The following KCP variants were observed in gnomAD, a reference collection of about 807,000 sequenced individuals.
KCP encodes the protein kielin cysteine rich BMP regulator.
KCP carries 194 observed loss-of-function variants against 212.7 expected under a neutral mutation model. That is an observed-to-expected ratio of 0.91 (90% CI 0.81 to 1.03). KCP has a LOEUF of 1.03. KCP is among the 50% of genes least tolerant of loss of function. The pLI, the probability that KCP is intolerant of heterozygous loss-of-function variation, is 0.00. For synonymous variants in KCP, 833 were observed against 865.3 expected (o/e 0.96, Z 0.65); for missense variants, 2,080 against 2,162.5 (o/e 0.96, Z 0.76).
At chr7:128,904,358 C>T (rs1795018898) in intron 5 of KCP, 2 of 1,551,668 alleles carry the variant, frequency 1.3e-6, no homozygotes. Context: ...ACACGAGGGC[C>T]CCTGGCACTG....
In KCP at chr7:128,907,457, G is replaced by C. The variant is rs758400383; in HGVS notation, c.220-4C>G. ...CCCTCGTCTGCAGGTCCTTATTCTG[G>C]AGGAAGGAGATGGAATAGCAGGCAC... On this transcript the variant is annotated splice_region_variant and splice_polypyrimidine_tract_variant and intron_variant, in intron 2 of 39. Transcript: ENST00000610776. 1.4e-6 allele frequency: 2 copies of C among 1,471,798 alleles called. No individual in the cohort carries two copies. The highest frequency in any genetic ancestry group is 5.1e-5 in the East Asian group (2 of 39,376). The allele number at this position is 1,471,798 out of a possible 1,614,324, so 91.2% of individuals were successfully genotyped here.
chr7:128,883,883 G>A, intron 29 of KCP, 119 bp downstream of exon 29: 1 of 1,262,630 alleles, frequency 7.9e-7, no homozygotes, highest in Non-Finnish European at 1.0e-6. Flanking sequence ...CCAGGCATAG[G>A]GTTCCAGAAC....
chr7:128,889,064 C>A, intron 21 of KCP, 25 bp from the exon 22 acceptor site: 1 of 1,463,856 alleles, frequency 6.8e-7, no homozygotes, highest in East Asian at 2.5e-5. Context: ...ACAGAGAGGC[C>A]GAGGGGAGGG....
intron 7 of KCP, chr7:128,903,101 G>T (rs1794946975): frequency 5.4e-6 from 3 of 559,992 alleles, no homozygotes; most frequent in South Asian, 4.3e-5. Flanking sequence ...ACACCCATGT[G>T]CCCCACCTAT....
In KCP at chr7:128,877,268, G is replaced by A. The variant is rs893083160; in HGVS notation, c.4662C>T (p.Cys1554=). ...PLERGFVFDE[C]GPPCPRTCFN... ...AGCAGGTGCGGGGACAGGGTGGGCC[G>A]CACTCATCAAACACGAAGCCACGCT... Residue 1554 remains cysteine (C), a synonymous_variant, in exon 40 of 40, where the codon TGC becomes TGT. Coordinates refer to ENST00000610776, the MANE Select transcript of KCP (RefSeq NM_001366122.1). 20 of 1,501,952 alleles carry A rather than the reference G, an allele frequency of 1.3e-5. No individual in the cohort carries two copies. The highest frequency in any genetic ancestry group is 4.9e-5 in the East Asian group (2 of 40,516). The allele number at this position is 1,501,952 out of a possible 1,614,324, so 93.0% of individuals were successfully genotyped here.
chr7:128,887,780 CAT>C (rs1363059002), intron 22 of KCP, among the ~76,000 whole-genome samples: 3 of 150,762 alleles, frequency 2.0e-5, no homozygotes, highest in Non-Finnish European at 4.4e-5. Flanking sequence ...CACACACACA[CAT>C]ACACGCACCC....
intron 2 of KCP, among the ~76,000 whole-genome samples, chr7:128,907,771 C>T (rs933158309): frequency 2.0e-5 from 3 of 152,128 alleles, no homozygotes; most frequent in Non-Finnish European, 4.4e-5. Context: ...TGGAACAGTA[C>T]GAAACACGAA....
chr7:128,877,843 G>A (rs1004151483), intron 38 of KCP, 53 bp from the exon 39 acceptor site: 2 of 1,463,316 alleles, frequency 1.4e-6, no homozygotes, highest in African/African-American at 1.4e-5. Context: ...GCTGGCCTCT[G>A]CATGCCGTGC....
In KCP at chr7:128,891,097, C is replaced by T; in HGVS notation, c.1973-1G>A. The T allele has an allele frequency of 6.9e-7, 1 of 1,448,784 alleles. No individual in the cohort carries two copies. 89.7% of individuals were successfully genotyped at this position (1,448,784 alleles called of 1,614,324 possible). A position where few individuals can be genotyped will look rare whatever the true frequency, so the allele number is the denominator to read the frequency against. The stretch of plus-strand genomic sequence containing the variant: ...GGGCAGCCGGCGGGGGCTGGGGCGG[C>T]TGCGGCGAGACAGCGCATCAAAGGG... On this transcript the variant is annotated splice_acceptor_variant, in intron 19 of 39. Coordinates refer to ENST00000610776, the MANE Select transcript of KCP (RefSeq NM_001366122.1). LOFTEE classifies it high-confidence loss of function.
intron 1 of KCP, 105 bp downstream of exon 1, chr7:128,910,496 G>A (rs1795374612): frequency 9.2e-7 from 1 of 1,089,508 alleles, no homozygotes; most frequent in South Asian, 1.7e-5. Context: ...CCTCAGGCAG[G>A]GCTAAGAGCA....
chr7:128,902,091 T>G (rs528233025), intron 8 of KCP, among the ~76,000 whole-genome samples: 2 of 152,222 alleles, frequency 1.3e-5, no homozygotes, highest in Non-Finnish European at 2.9e-5. Flanking sequence ...GACAAAGTCT[T>G]GCTACATTGC....
Position 128,879,718 on chromosome 7 carries a change from C to T in KCP, c.4044G>A (p.Thr1348=), listed in dbSNP as rs1401349930. 1.2e-5 allele frequency: 18 copies of T among 1,550,144 alleles called. No homozygotes were observed. The highest frequency in any genetic ancestry group is 9.8e-5 in the East Asian group (4 of 40,922). The change falls in exon 36 of 40, where the codon ACG becomes ACA. Residue 1348 remains threonine (T), a splice_region_variant and synonymous_variant. Transcript: ENST00000610776. ...AVRLLQDGAV[T]VDGHPVALPF... Reference sequence around the variant, plus strand: ...TCCTCCACTCCTCGGCTTTGCTCACCGTGACTGCCCCGTCCTGCAGCAGCC... The same window carrying T: ...TCCTCCACTCCTCGGCTTTGCTCACTGTGACTGCCCCGTCCTGCAGCAGCC...
chr7:128,888,052 CAT>C (rs1448731868), intron 22 of KCP, among the ~76,000 whole-genome samples: 6 of 143,514 alleles, frequency 4.2e-5, no homozygotes, highest in African/African-American at 1.5e-4. Context: ...CACACACACA[CAT>C]CCCACATACA....
intron 8 of KCP, among the ~76,000 whole-genome samples, chr7:128,899,373 A>G (rs1794707710): frequency 6.6e-6 from 1 of 152,230 alleles, no homozygotes; most frequent in Non-Finnish European, 1.5e-5. Context: ...ATAACCAACT[A>G]TAGGACTTCA....
intron 17 of KCP, 44 bp from the exon 18 acceptor site, chr7:128,891,577 C>T (rs1345526256): frequency 6.5e-7 from 1 of 1,533,818 alleles, no homozygotes; most frequent in East Asian, 2.4e-5. Flanking sequence ...GCGACTGCCC[C>T]AGGGCGTGCT....
rs555007943 is a variant in KCP, at chr7:128,882,089, C to T, written c.3245-73G>A. The T allele has an allele frequency of 1.0e-5, 12 of 1,154,466 alleles. No individual in the cohort carries two copies. The South Asian group carries it at 1.4e-4, about 13-fold the overall frequency. The allele number at this position is 1,154,466 out of a possible 1,614,324, so 71.5% of individuals were successfully genotyped here. Reference sequence around the variant, plus strand: ...GCTGGAAATCCCAGCTGTCCCCATGCACTGTGTCCCCAGGTTTCTAACTCG... The same window carrying T: ...GCTGGAAATCCCAGCTGTCCCCATGTACTGTGTCCCCAGGTTTCTAACTCG... On this transcript the variant is annotated intron_variant, in intron 29 of 39. Coordinates refer to ENST00000610776, the MANE Select transcript of KCP (RefSeq NM_001366122.1).
At chr7:128,881,787 G>C in intron 30 of KCP, 62 bp from the exon 31 acceptor site, 1 of 1,421,402 alleles carries the variant, frequency 7.0e-7, no homozygotes, top group Non-Finnish European at 9.6e-7. Flanking sequence ...GGAGGAGTAA[G>C]GCATAGGCAG....
At chr7:128,881,818 T>C in intron 30 of KCP, 93 bp from the exon 31 acceptor site, 1 of 1,381,440 alleles carries the variant, frequency 7.2e-7, no homozygotes, top group South Asian at 1.3e-5. Context: ...TCAGGACAAG[T>C]GGGCAAATGT....
At chr7:128,879,389 C>A (rs770402027) in intron 37 of KCP, 133 bp downstream of exon 37, 7 of 700,534 alleles carry the variant, frequency 1.0e-5, no homozygotes, top group African/African-American at 1.8e-5. Flanking sequence ...TCCCCTCACA[C>A]CCCTGTACCC....
Sources: gnomAD v4.1 joint callset for allele counts (sites outside exome capture counted in the v4.1 genomes callset) on GRCh38, gnomAD v4.1.1 for gene constraint, MANE v1.5 for transcripts, NCBI Gene and HGNC (gene_info 2026-07-23, HGNC 2026-07-21) for gene names.